SLC24A3: variants seen among roughly 807,000 people sequenced by gnomAD.
The protein encoded by SLC24A3 is sodium/potassium/calcium exchanger 3.
SLC24A3 carries 28 observed loss-of-function variants against 75.8 expected under a neutral mutation model. The observed-to-expected ratio is 0.37, with a 90% confidence interval of 0.27 to 0.51. The LOEUF (loss-of-function observed/expected upper bound fraction) is 0.51, where lower values mean the gene tolerates loss of function less well. SLC24A3 is among the 20% of genes least tolerant of loss of function. The pLI is 0.94. For synonymous variants in SLC24A3, 372 were observed against 334.1 expected, an observed-to-expected ratio of 1.11 and a Z score of -1.24; for missense variants, 663 against 847.8, an observed-to-expected ratio of 0.78 and a Z score of 2.71.
intron 13 of SLC24A3, chr20:19,695,506 A>G (rs1245067579): frequency 4.6e-5 from 7 of 152,046 alleles, no homozygotes; most frequent in African/African-American, 1.7e-4. Flanking sequence ...GCATGCTTGC[A>G]TTTGCTTTTT....
Position 19,543,452 on chromosome 20 carries a change from G to A in SLC24A3, c.348+27888G>A, listed in dbSNP as rs568003303. Reference sequence around the variant, plus strand: ...GCCCGAACTATGTAGCATTTATTCAGTGAGTACTTACTGATATCCTATAAT... The same window carrying A: ...GCCCGAACTATGTAGCATTTATTCAATGAGTACTTACTGATATCCTATAAT... On this transcript the variant is annotated intron_variant, in intron 3 of 16. Coordinates refer to ENST00000328041, the MANE Select transcript of SLC24A3 (RefSeq NM_020689.4). Among the ~76,000 whole-genome samples the A allele has an allele frequency of 3.2e-4, 48 of 152,376 alleles. No individual in the cohort carries two copies. The South Asian group carries it at 8.7e-3, about 28-fold the overall frequency.
chr20:19,277,344 T>C (rs898630398), intron 1 of SLC24A3, among the ~76,000 whole-genome samples: 2 of 152,222 alleles, frequency 1.3e-5, no homozygotes, highest in African/African-American at 4.8e-5. Context: ...AGACATTCAG[T>C]GAATGGAAGC....
chr20:19,465,447 G>A (rs887575831), intron 2 of SLC24A3, among the ~76,000 whole-genome samples: 8 of 148,008 alleles, frequency 5.4e-5, no homozygotes, highest in Admixed American at 1.4e-4. Context: ...GTTCTTTCAC[G>A]TGGTTTGCTA....
intron 2 of SLC24A3, among the ~76,000 whole-genome samples, chr20:19,492,078 A>G (rs146360496): frequency 5.6e-4 from 86 of 152,342 alleles, no homozygotes; most frequent in African/African-American, 2.0e-3. Context: ...TGGTGTGGGC[A>G]GATACCCAGG....
intron 2 of SLC24A3, among the ~76,000 whole-genome samples, chr20:19,320,485 G>C (rs1984683178): frequency 6.6e-6 from 1 of 152,034 alleles, no homozygotes; most frequent in African/African-American, 2.4e-5. Context: ...TGACCTCATG[G>C]ACACAGTTCA....
At chr20:19,537,361 C>A (rs12481351) in intron 3 of SLC24A3, among the ~76,000 whole-genome samples, 110,661 of 151,556 alleles carry the variant, frequency 0.73, 40,753 homozygotes, top group Non-Finnish European at 0.78. Context: ...GGCGATCATT[C>A]AAAAGTCAGG....
In SLC24A3 at chr20:19,721,065, G is replaced by A. The variant is rs1321282711; in HGVS notation, c.1860G>A (p.Val620=). 6.2e-7 allele frequency: 1 copy of A among 1,614,132 alleles called. No individual in the cohort carries two copies. Among genetic ancestry groups the A allele is most frequent in the Admixed American group, 1.7e-5 (1 of 60,010 alleles). Residue 620 remains valine (V), a synonymous_variant, in exon 17 of 17, where the codon GTG becomes GTA. Coordinates refer to ENST00000328041, the MANE Select transcript of SLC24A3 (RefSeq NM_020689.4). ...GTGGGTGCCTCCTCCTGTATGGTGT[G>A]TTCCTGTGCTTCTCCATCATGACTG... is the stretch of plus-strand genomic sequence containing the variant. ...LGCGCLLLYG[V]FLCFSIMTEF...
At chr20:19,481,763 C>T (rs997715118) in intron 2 of SLC24A3, among the ~76,000 whole-genome samples, 3 of 152,104 alleles carry the variant, frequency 2.0e-5, no homozygotes, top group African/African-American at 4.8e-5. Context: ...GAGTGCTCCC[C>T]GAGTGATCTT....
intron 2 of SLC24A3, among the ~76,000 whole-genome samples, chr20:19,372,814 A>T (rs1986014570): frequency 6.6e-6 from 1 of 152,102 alleles, no homozygotes; most frequent in Non-Finnish European, 1.5e-5. Flanking sequence ...CCACTGAGCA[A>T]AGGACACCGG....
At chr20:19,350,735 G>A (rs917274467) in intron 2 of SLC24A3, among the ~76,000 whole-genome samples, 1 of 152,322 alleles carries the variant, frequency 6.6e-6, no homozygotes, top group East Asian at 1.9e-4. Context: ...TTTGTCCTTT[G>A]TTAGGAGAAG....
intron 4 of SLC24A3, 111 bp from the exon 5 acceptor site, chr20:19,584,860 G>T: frequency 2.2e-6 from 2 of 917,136 alleles, no homozygotes; most frequent in South Asian, 1.6e-5. Flanking sequence ...TCCTACTCTC[G>T]CTGAAGCCCC....
chr20:19,233,250 C>T (rs558861614), intron 1 of SLC24A3, among the ~76,000 whole-genome samples: 146 of 152,336 alleles, frequency 9.6e-4, no homozygotes, highest in African/African-American at 3.4e-3. Context: ...GCAGCGTTAA[C>T]GGAAGTGCAC....
At chr20:19,498,534 C>T (rs1988331866) in intron 2 of SLC24A3, among the ~76,000 whole-genome samples, 1 of 152,092 alleles carries the variant, frequency 6.6e-6, no homozygotes, top group South Asian at 2.1e-4. Flanking sequence ...TTGCCCTATG[C>T]AGCCTCACTC....
chr20:19,515,306 T>C (rs183311948), intron 2 of SLC24A3, among the ~76,000 whole-genome samples, 182 bp from the exon 3 acceptor site: 30 of 152,338 alleles, frequency 2.0e-4, no homozygotes, highest in African/African-American at 6.5e-4. Flanking sequence ...CTACTGTGGT[T>C]GGTTGCCCAC....
At chr20:19,240,394 A>G (rs1050803426) in intron 1 of SLC24A3, among the ~76,000 whole-genome samples, 3 of 152,190 alleles carry the variant, frequency 2.0e-5, no homozygotes, top group Non-Finnish European at 2.9e-5. Flanking sequence ...GTGAGTTTGC[A>G]TTGTAAAAGC....
At chr20:19,602,174 CAAAT>C (rs759462084) in intron 6 of SLC24A3, among the ~76,000 whole-genome samples, 100 of 152,264 alleles carry the variant, frequency 6.6e-4, no homozygotes, top group Non-Finnish European at 1.0e-3. Context: ...AACTGTGTCT[CAAAT>C]AAATAAATAA....
At chr20:19,382,255 G>A (rs1033139458) in intron 2 of SLC24A3, among the ~76,000 whole-genome samples, 3 of 152,132 alleles carry the variant, frequency 2.0e-5, no homozygotes, top group South Asian at 2.1e-4. Flanking sequence ...ATCTGTGGGC[G>A]GAAATGCAAA....
chr20:19,471,520 G>A (rs1987870271), intron 2 of SLC24A3, among the ~76,000 whole-genome samples: 1 of 152,190 alleles, frequency 6.6e-6, no homozygotes, highest in Non-Finnish European at 1.5e-5. Context: ...GGGGTGTCCA[G>A]ATAAAATGGC....
At chr20:19,451,030 A>G (rs989779134) in intron 2 of SLC24A3, among the ~76,000 whole-genome samples, 3 of 152,110 alleles carry the variant, frequency 2.0e-5, no homozygotes, top group African/African-American at 7.2e-5. Context: ...CATTTTTAAG[A>G]CTACTTCTGG....
Sources: allele counts gnomAD v4.1 joint callset (sites outside exome capture counted in the v4.1 genomes callset), GRCh38; gene constraint gnomAD v4.1.1; transcripts MANE v1.5; gene names NCBI Gene and HGNC (gene_info 2026-07-23, HGNC 2026-07-21).